The following SLC12A8 variants were observed in gnomAD, a reference collection of about 807,000 sequenced individuals.
SLC12A8 encodes the protein cation-chloride cotransporter 9.
Under a neutral mutation model 75.6 loss-of-function variants are expected in SLC12A8, and 69 were observed. The ratio of observed to expected loss-of-function variants is 0.91; its 90% CI spans 0.75 to 1.11. SLC12A8 has a LOEUF of 1.11. SLC12A8 is among the 50% of genes most tolerant of loss of function. The probability of loss-of-function intolerance (pLI) is 0.00; values close to 1 mark genes in which losing one functional copy is unlikely to be tolerated. For missense variants in SLC12A8, 877 were observed against 896.7 expected, an observed-to-expected ratio of 0.98 and a Z score of 0.28; for synonymous variants, 365 against 372.8, an observed-to-expected ratio of 0.98 and a Z score of 0.24.
At position 125,091,517 on chromosome 3, in the gene SLC12A8, C is replaced by G. The variant is rs911227231; in HGVS notation, c.1843G>C (p.Val615Leu). 8.1e-6 allele frequency: 13 copies of G among 1,613,906 alleles called. No individual in the cohort carries two copies. Among genetic ancestry groups the G allele is most frequent in the Non-Finnish European group, 1.1e-5 (13 of 1,179,856 alleles). ...ACACCCATGTTAACCAGGGTATACA[C>G]CCACTGTATCACAAACATGATGAGA... ...SLLIMFVIQWVYTLVNMGVAA... is the reference protein window; with the variant it reads ...SLLIMFVIQWLYTLVNMGVAA... Residue 615 changes from valine (V) to leucine (L), a missense_variant, in exon 12 of 14, where the codon GTG (valine) becomes CTG (leucine). Physicochemically the swap from Val to Leu is conservative, Grantham distance 32. Transcript: ENST00000469902.
intron 2 of SLC12A8, among the ~76,000 whole-genome samples, chr3:125,210,348 GGAA>G (rs538197233): frequency 9.8e-5 from 15 of 152,312 alleles, no homozygotes; most frequent in South Asian, 6.2e-4. Flanking sequence ...AGGTGTGGCA[GGAA>G]GAAGAAGATG....
rs763748995 is a variant in SLC12A8, at chr3:125,135,722, C to T, written c.683G>A (p.Ser228Asn). The T allele has an allele frequency of 6.2e-7, 1 of 1,610,516 alleles. No homozygotes were observed. The highest frequency in any genetic ancestry group is 1.3e-5 in the African/African-American group (1 of 74,860). The change falls in exon 6 of 14, where the codon AGC becomes AAC. Residue 228 changes from serine (S) to asparagine (N), a missense_variant. Physicochemically the swap from Ser to Asn is conservative, Grantham distance 46. Transcript: ENST00000469902. ...GACAGTGAAAAAAGATTCCCCCGGGCTGTAATCGGGCAGCGTGTTGTTCTG... is the reference window on the plus strand; with the variant it reads ...GACAGTGAAAAAAGATTCCCCCGGGTTGTAATCGGGCAGCGTGTTGTTCTG... The part of the protein sequence containing the change: ...LLQNNTLPDY[S>N]PGESFFTVFG...
chr3:125,108,154 C>A, intron 9 of SLC12A8, 28 bp from the exon 10 acceptor site: 2 of 1,582,298 alleles, frequency 1.3e-6, no homozygotes, highest in Non-Finnish European at 1.7e-6. Flanking sequence ...ACATGCAGGA[C>A]CATAAAATTT....
chr3:125,122,798 T>C (rs1933097077), intron 6 of SLC12A8, among the ~76,000 whole-genome samples: 1 of 151,806 alleles, frequency 6.6e-6, no homozygotes, highest in African/African-American at 2.4e-5. Context: ...CAGCAACAAA[T>C]AAACAAATAC....
At chr3:125,099,755 C>G (rs951050630) in intron 10 of SLC12A8, among the ~76,000 whole-genome samples, 1 of 151,970 alleles carries the variant, frequency 6.6e-6, no homozygotes, top group Non-Finnish European at 1.5e-5. Flanking sequence ...ATGGTGAAAC[C>G]CCATCTCTAC....
intron 10 of SLC12A8, among the ~76,000 whole-genome samples, chr3:125,099,748 G>C (rs1443719640): frequency 6.6e-6 from 1 of 152,096 alleles, no homozygotes; most frequent in African/African-American, 2.4e-5. Flanking sequence ...GGCCAACATG[G>C]TGAAACCCCA....
rs765354965 is a variant in SLC12A8, at chr3:125,195,992, T to C, written c.52-5471A>G. Among the ~76,000 whole-genome samples, 41 of 152,152 alleles carry C rather than the reference T, an allele frequency of 2.7e-4. 2 individuals are homozygous for C. The highest frequency in any genetic ancestry group is 2.2e-3 in the Admixed American group (33 of 15,268). On this transcript the variant is annotated intron_variant, in intron 2 of 13. Coordinates refer to ENST00000469902, the MANE Select transcript of SLC12A8 (RefSeq NM_024628.6). The stretch of plus-strand genomic sequence containing the variant: ...ATAGACCCTAATGCCCTCCCCCTAA[T>C]AACAGGCGAACCAGTGAAACATCAG...
chr3:125,084,580 C>A (rs1348569837), intron 13 of SLC12A8, among the ~76,000 whole-genome samples: 1 of 152,218 alleles, frequency 6.6e-6, no homozygotes, highest in African/African-American at 2.4e-5. Flanking sequence ...AAGAGCAAGT[C>A]CCATATGGAT....
At chr3:125,118,954 T>C in intron 7 of SLC12A8, 98 bp from the exon 8 acceptor site, 1 of 803,440 alleles carries the variant, frequency 1.2e-6, no homozygotes, top group Non-Finnish European at 2.1e-6. Context: ...AGGGAACTTG[T>C]ATCAGAATGA....
intron 4 of SLC12A8, among the ~76,000 whole-genome samples, chr3:125,178,779 G>A (rs2107789032): frequency 6.6e-6 from 1 of 152,248 alleles, no homozygotes; most frequent in East Asian, 1.9e-4. Context: ...TGTCCACCCA[G>A]CATCCTTTGC....
At chr3:125,129,661 T>A (rs915583335) in intron 6 of SLC12A8, among the ~76,000 whole-genome samples, 8 of 152,202 alleles carry the variant, frequency 5.3e-5, no homozygotes, top group Admixed American at 4.6e-4. Flanking sequence ...CTCGCCACAG[T>A]CTGGAGGTTC....
chr3:125,109,877 AAAGG>A, intron 9 of SLC12A8, among the ~76,000 whole-genome samples: 1 of 152,278 alleles, frequency 6.6e-6, no homozygotes, highest in East Asian at 1.9e-4. Flanking sequence ...CATTTTCATT[AAAGG>A]ATGGGGCACT....
In SLC12A8 at chr3:125,114,208, G is replaced by A. The variant is rs186877123; in HGVS notation, c.913-3873C>T. 3.9e-5 allele frequency among the ~76,000 whole-genome samples: 6 copies of A among 152,228 alleles called. No homozygotes were observed. The East Asian group carries it at 9.7e-4, about 24-fold the overall frequency. ...GTCTGCTTCCCTTCCTGAGAGGCAGGACTGTGTCCACGATGGAGGGCAGAG... is the reference window on the plus strand; with the variant it reads ...GTCTGCTTCCCTTCCTGAGAGGCAGAACTGTGTCCACGATGGAGGGCAGAG... On this transcript the variant is annotated intron_variant, in intron 8 of 13. Coordinates refer to ENST00000469902, the MANE Select transcript of SLC12A8 (RefSeq NM_024628.6).
chr3:125,160,317 A>G (rs998857938), intron 5 of SLC12A8, among the ~76,000 whole-genome samples: 4 of 152,202 alleles, frequency 2.6e-5, no homozygotes, highest in Non-Finnish European at 5.9e-5. Context: ...CCACTGTAAA[A>G]TGGGAATAAT....
At chr3:125,133,348 C>CA (rs1455310459) in intron 6 of SLC12A8, among the ~76,000 whole-genome samples, 9 of 148,592 alleles carry the variant, frequency 6.1e-5, no homozygotes, top group Non-Finnish European at 1.3e-4. Flanking sequence ...CAGGAATACA[C>CA]ACACACACAC....
chr3:125,194,573 C>T (rs753467730), intron 2 of SLC12A8, among the ~76,000 whole-genome samples: 10 of 152,214 alleles, frequency 6.6e-5, no homozygotes, highest in Non-Finnish European at 1.2e-4. Flanking sequence ...GACATGAGCT[C>T]AGCCCCAGAA....
intron 10 of SLC12A8, among the ~76,000 whole-genome samples, chr3:125,100,182 A>C (rs1282946879): frequency 6.6e-6 from 1 of 152,150 alleles, no homozygotes; most frequent in Non-Finnish European, 1.5e-5. Context: ...ATAAATATGT[A>C]ATGGAAGTCC....
At position 125,194,425 on chromosome 3, in the gene SLC12A8, C is replaced by T. The variant is rs191482052; in HGVS notation, c.52-3904G>A. On this transcript the variant is annotated intron_variant, in intron 2 of 13. Transcript: ENST00000469902. ...CCTGTGAATAATCTCCATACTTGAG[C>T]GAGGTGGGGGGCAGATTGGTGGGGG... 7.7e-4 allele frequency among the ~76,000 whole-genome samples: 107 copies of T among 138,840 alleles called. 3 individuals are homozygous for T. The highest frequency in any genetic ancestry group is 7.3e-3 in the Admixed American group (100 of 13,614). The allele number at this position is 138,840 out of a possible 152,430, so 91.1% of individuals were successfully genotyped here. A position where few individuals can be genotyped will look rare whatever the true frequency, so the allele number is the denominator to read the frequency against.
chr3:125,127,955 C>A (rs2107755777), intron 6 of SLC12A8, among the ~76,000 whole-genome samples: 1 of 152,126 alleles, frequency 6.6e-6, no homozygotes, highest in South Asian at 2.1e-4. Flanking sequence ...TGGCTCACTG[C>A]AACCTCCACC....
Sources: gnomAD v4.1 joint callset for allele counts (sites outside exome capture counted in the v4.1 genomes callset) on GRCh38, gnomAD v4.1.1 for gene constraint, MANE v1.5 for transcripts, NCBI Gene and HGNC (gene_info 2026-07-23, HGNC 2026-07-21) for gene names.